MECOM: variants seen among roughly 807,000 people sequenced by gnomAD.
MECOM encodes the protein MDS1 and EVI1 complex locus, also known as histone-lysine N-methyltransferase MECOM.
Under a neutral mutation model 116.3 loss-of-function variants are expected in MECOM, and 13 were observed. That is an observed-to-expected ratio of 0.11 (90% CI 0.07 to 0.18). MECOM has a LOEUF of 0.18. MECOM is among the 10% of genes least tolerant of loss of function. The pLI, the probability that MECOM is intolerant of heterozygous loss-of-function variation, is 1.00. For synonymous variants in MECOM, 528 were observed against 535.2 expected (o/e 0.99, Z 0.19); for missense variants, 1,299 against 1,509.0 (o/e 0.86, Z 2.31).
chr3:169,095,925 C>T (rs907661246), intron 12 of MECOM, among the ~76,000 whole-genome samples: 11 of 152,062 alleles, frequency 7.2e-5, no homozygotes, highest in Non-Finnish European at 1.6e-4. Flanking sequence ...CCTATTACCC[C>T]CTATTTTTCA....
intron 2 of MECOM, among the ~76,000 whole-genome samples, chr3:169,183,933 C>T (rs1462837311): frequency 6.6e-6 from 1 of 151,300 alleles, no homozygotes; most frequent in African/African-American, 2.4e-5. Context: ...GGTGCGATCT[C>T]GGCTCACTGC....
chr3:169,416,336 A>G (rs1738589611), intron 1 of MECOM, among the ~76,000 whole-genome samples: 1 of 152,250 alleles, frequency 6.6e-6, no homozygotes, highest in South Asian at 2.1e-4. Context: ...ATGAAAACAA[A>G]GACACAATGT....
intron 5 of MECOM, among the ~76,000 whole-genome samples, chr3:169,124,849 A>C (rs1375116142): frequency 6.6e-6 from 1 of 152,020 alleles, no homozygotes; most frequent in Admixed American, 6.6e-5. Flanking sequence ...GCATTCTTTT[A>C]TTTTCTTTTA....
chr3:169,178,737 T>C (rs1745548884), intron 2 of MECOM, among the ~76,000 whole-genome samples: 1 of 152,232 alleles, frequency 6.6e-6, no homozygotes. Context: ...TTCTAGGTTG[T>C]GATAAATCCT....
chr3:169,122,626 A>T lies in MECOM; in HGVS notation c.932T>A (p.Met311Lys). 1 of 1,614,112 alleles carries T rather than the reference A, an allele frequency of 6.2e-7. No individual in the cohort carries two copies. Among genetic ancestry groups the T allele is most frequent in the Non-Finnish European group, 8.5e-7 (1 of 1,179,956 alleles). Residue 311 changes from methionine to lysine, a missense_variant, in exon 6 of 17, where the codon ATG becomes AAG. By Grantham distance (95) the Met-to-Lys change is moderately conservative. This residue lies in a region of MECOM where 374 missense variants were observed against 433.4 expected (regional missense o/e 0.86). Transcript: ENST00000651503. ...NWKSNLIRHQ[M>K]SHDSGKHYEC... ...ATAGTGCTTTCCACTGTCATGTGAC[A>T]TCTGGTGGCGAATTAAATTGGACTT... is the stretch of plus-strand genomic sequence containing the variant.
chr3:169,571,437 A>G (rs936620444), intron 1 of MECOM, among the ~76,000 whole-genome samples: 6 of 152,238 alleles, frequency 3.9e-5, no homozygotes, highest in Non-Finnish European at 7.3e-5. Flanking sequence ...TATAGATTCA[A>G]TGCTATCCCC....
chr3:169,623,794 AACACACACACACACATACAC>A (rs1560505590), intron 1 of MECOM: 1 of 151,014 alleles, frequency 6.6e-6, no homozygotes, highest in East Asian at 1.9e-4. Flanking sequence ...TGTCTCCTAA[AACACACACACACACATACAC>A]ACACACACAC....
At chr3:169,412,656 T>C (rs1737752117) in intron 1 of MECOM, among the ~76,000 whole-genome samples, 1 of 152,142 alleles carries the variant, frequency 6.6e-6, no homozygotes, top group African/African-American at 2.4e-5. Context: ...AAAATATTAA[T>C]TATAATAATG....
intron 2 of MECOM, among the ~76,000 whole-genome samples, chr3:169,330,803 A>G (rs1722597940): frequency 6.6e-6 from 1 of 152,142 alleles, no homozygotes; most frequent in Non-Finnish European, 1.5e-5. Flanking sequence ...AATATCTTCC[A>G]TTATAAAAAG....
chr3:169,499,953 T>C (rs185853143), intron 1 of MECOM, among the ~76,000 whole-genome samples: 1 of 152,158 alleles, frequency 6.6e-6, no homozygotes, highest in African/African-American at 2.4e-5. Context: ...TCACTATCTA[T>C]CTCCAGAAGA....
chr3:169,125,978 G>A (rs1159734638), intron 5 of MECOM, among the ~76,000 whole-genome samples: 2 of 152,062 alleles, frequency 1.3e-5, no homozygotes, highest in East Asian at 3.8e-4. Flanking sequence ...AGAAAATAAA[G>A]GTTCTGAATG....
At position 169,115,619 on chromosome 3, in the gene MECOM, C is replaced by G; in HGVS notation, c.2253G>C (p.Glu751Asp). The change falls in exon 8 of 17, where the codon GAG (glutamate) becomes GAC (aspartate). Residue 751 changes from glutamate (E) to aspartate (D), a missense_variant. Glu to Asp is a conservative substitution (Grantham distance 45, BLOSUM62 2). Around this residue, in one of 6 missense-constraint regions of MECOM, gnomAD observed 340 missense variants for 312.6 expected, o/e 1.09. Coordinates refer to ENST00000651503, the MANE Select transcript of MECOM (RefSeq NM_004991.4). The stretch of plus-strand genomic sequence containing the variant: ...TGGAGGGGACTGGAGTCAAGGGCTT[C>G]TCATCCTTTCGCTTAGTGGTGAGAT... ...PFDLTTKRKD[E>D]KPLTPVPSKP... 6.2e-7 allele frequency: 1 copy of G among 1,614,104 alleles called. No individual in the cohort carries two copies. Among genetic ancestry groups the G allele is most frequent in the South Asian group, 1.1e-5 (1 of 91,068 alleles).
intron 1 of MECOM, among the ~76,000 whole-genome samples, chr3:169,516,696 T>C (rs1019179530): frequency 6.6e-6 from 1 of 152,316 alleles, no homozygotes; most frequent in Admixed American, 6.5e-5. Flanking sequence ...TTATCTGCTA[T>C]AGATTCTCTT....
chr3:169,408,437 T>C (rs757016113), intron 1 of MECOM, among the ~76,000 whole-genome samples: 7 of 152,206 alleles, frequency 4.6e-5, no homozygotes, highest in Non-Finnish European at 1.5e-5. Context: ...TTCCTGCTCC[T>C]TCAATTTCTC....
chr3:169,592,256 C>G (rs1766512391), intron 1 of MECOM, among the ~76,000 whole-genome samples: 1 of 152,198 alleles, frequency 6.6e-6, no homozygotes, highest in Non-Finnish European at 1.5e-5. Context: ...GGCTCACCAG[C>G]AAAAATCTGG....
chr3:169,250,514 C>T (rs1026076795), intron 2 of MECOM, among the ~76,000 whole-genome samples: 1 of 152,124 alleles, frequency 6.6e-6, no homozygotes, highest in Non-Finnish European at 1.5e-5. Context: ...ATGTCTCACT[C>T]GTTAATATTA....
chr3:169,629,924 T>C (rs1771871542), intron 1 of MECOM, among the ~76,000 whole-genome samples: 1 of 152,142 alleles, frequency 6.6e-6, no homozygotes, highest in Non-Finnish European at 1.5e-5. Flanking sequence ...AAGCGGAGCC[T>C]CCTGAGAACA....
intron 1 of MECOM, among the ~76,000 whole-genome samples, chr3:169,383,862 CAGTG>C (rs746952530): frequency 2.6e-5 from 4 of 152,214 alleles, no homozygotes; most frequent in Non-Finnish European, 4.4e-5. Flanking sequence ...CCTCTGAGCT[CAGTG>C]AGTATTTCTT....
intron 1 of MECOM, among the ~76,000 whole-genome samples, chr3:169,572,140 A>G (rs1398727358): frequency 1.3e-5 from 2 of 152,258 alleles, no homozygotes; most frequent in Non-Finnish European, 2.9e-5. Context: ...AAACAAATTT[A>G]CAAGAAACTA....
Sources: allele counts gnomAD v4.1 joint callset (sites outside exome capture counted in the v4.1 genomes callset), GRCh38; gene constraint gnomAD v4.1.1; regional missense constraint gnomAD v4.1.1; transcripts MANE v1.5; gene names NCBI Gene and HGNC (gene_info 2026-07-23, HGNC 2026-07-21).